The following GRM4 variants were observed in gnomAD, a reference collection of about 807,000 sequenced individuals.
The protein encoded by GRM4 is metabotropic glutamate receptor 4.
In GRM4, 28 loss-of-function variants were observed where a neutral mutation model predicts 81.7. The observed-to-expected ratio is 0.34, with a 90% CI of 0.25 to 0.47. GRM4 has a LOEUF of 0.47. Ranked by LOEUF, GRM4 falls within the 20% of genes least tolerant of loss-of-function variation. The pLI is 1.00. For missense variants in GRM4, 948 were observed against 1,290.0 expected, an observed-to-expected ratio of 0.73 and a Z score of 4.06; for synonymous variants, 488 against 528.8, an observed-to-expected ratio of 0.92 and a Z score of 1.06.
At chr6:34,132,443 C>G (rs1286725192) in intron 2 of GRM4, among the ~76,000 whole-genome samples, 1 of 152,192 alleles carries the variant, frequency 6.6e-6, no homozygotes, top group Non-Finnish European at 1.5e-5. Context: ...CCTCAACTAC[C>G]CAGAAGAAAA....
At chr6:34,126,909 T>C (rs1652720858) in intron 2 of GRM4, among the ~76,000 whole-genome samples, 1 of 152,250 alleles carries the variant, frequency 6.6e-6, no homozygotes, top group African/African-American at 2.4e-5. Flanking sequence ...TGCTTGTAGC[T>C]TGACAGCAGC....
intron 9 of GRM4, among the ~76,000 whole-genome samples, chr6:34,028,935 C>T (rs910846957): frequency 1.3e-5 from 2 of 152,200 alleles, no homozygotes; most frequent in African/African-American, 4.8e-5. Flanking sequence ...CGGCACCCAT[C>T]GCGATATGGT....
chr6:34,116,748 C>T (rs1769614929), intron 2 of GRM4, among the ~76,000 whole-genome samples: 1 of 152,166 alleles, frequency 6.6e-6, no homozygotes, highest in African/African-American at 2.4e-5. Flanking sequence ...TAGCCAAACA[C>T]TGGATTCAGC....
intron 3 of GRM4, among the ~76,000 whole-genome samples, chr6:34,065,869 C>T (rs1340537117): frequency 6.6e-6 from 1 of 152,236 alleles, no homozygotes; most frequent in East Asian, 1.9e-4. Flanking sequence ...GCAGAGCCAC[C>T]TTCAGACGAG....
chr6:34,054,590 G>A (rs1282240168), intron 6 of GRM4: 1 of 152,224 alleles, frequency 6.6e-6, no homozygotes, highest in Non-Finnish European at 1.5e-5. Context: ...TAGGAGTCTG[G>A]ACAGAGCCTA....
At chr6:34,075,104 G>T (rs999731245) in intron 3 of GRM4, among the ~76,000 whole-genome samples, 3 of 152,222 alleles carry the variant, frequency 2.0e-5, no homozygotes, top group African/African-American at 7.2e-5. Context: ...TCTGACCCGC[G>T]GGCAGTGCAG....
At chr6:34,123,503 G>A (rs61031389) in intron 2 of GRM4, among the ~76,000 whole-genome samples, 3,132 of 152,234 alleles carry the variant, frequency 0.021, 83 homozygotes, top group African/African-American at 0.063. Flanking sequence ...AAAGGTGCAC[G>A]TGATTCTGCC....
intron 1 of GRM4, among the ~76,000 whole-genome samples, chr6:34,137,380 G>C (rs1468577175): frequency 6.6e-6 from 1 of 152,232 alleles, no homozygotes; most frequent in Non-Finnish European, 1.5e-5. Flanking sequence ...CAGGCCAACA[G>C]TGTTTTCCAG....
Position 34,042,465 on chromosome 6 carries a change from G to C in GRM4, c.1169-1717C>G, listed in dbSNP as rs369859644. Among the ~76,000 whole-genome samples the C allele has an allele frequency of 3.9e-5, 6 of 152,142 alleles. No homozygotes were observed. Among genetic ancestry groups the C allele is most frequent in the South Asian group, 2.1e-4 (1 of 4,824 alleles). On this transcript the variant is annotated intron_variant, in intron 6 of 10. Coordinates refer to ENST00000538487, the MANE Select transcript of GRM4 (RefSeq NM_000841.4). This position sits in a 1 kb window ranked among gnomAD's most constrained non-coding sequence, Gnocchi z 4.2. The stretch of plus-strand genomic sequence containing the variant: ...CAGGAGGATGGCTGGGAGGAGGAAG[G>C]GGGAGGATGGGCAGAGATAGGGAAG...
At chr6:34,044,508 A>T (rs1029884281) in intron 6 of GRM4, among the ~76,000 whole-genome samples, 1 of 148,712 alleles carries the variant, frequency 6.7e-6, no homozygotes, top group Admixed American at 6.6e-5. Context: ...ACACACATAC[A>T]CACACAGACA....
rs73744817 is a variant in GRM4 at position 34,103,720 on chromosome 6, G to A, written c.520-11621C>T. ...AGCCATGCCCCCTTTTCCAAGGAGG[G>A]CTCAAAGTCCAACTCCCATAGGTGA... On this transcript the variant is annotated intron_variant, in intron 2 of 10. Coordinates refer to ENST00000538487, the MANE Select transcript of GRM4 (RefSeq NM_000841.4). 1.4e-3 allele frequency: 2,116 copies of A among 1,518,848 alleles called. 12 individuals carry two copies. The African/African-American group carries it at 0.018, about 13-fold the overall frequency. 94.1% of individuals were successfully genotyped at this position (1,518,848 alleles called of 1,614,324 possible). A position where few individuals can be genotyped will look rare whatever the true frequency, so the allele number is the denominator to read the frequency against.
intron 9 of GRM4, among the ~76,000 whole-genome samples, chr6:34,032,632 C>T (rs892527134): frequency 6.6e-6 from 1 of 152,228 alleles, no homozygotes; most frequent in Non-Finnish European, 1.5e-5. Flanking sequence ...TGGGACAAGT[C>T]CCTGTCCCTC....
At chr6:34,071,351 CCA>C (rs756108710) in intron 3 of GRM4, among the ~76,000 whole-genome samples, 11,500 of 117,984 alleles carry the variant, frequency 0.097, 1,086 homozygotes, top group African/African-American at 0.24. Context: ...AAACACCGCA[CCA>C]CACACACACA....
At chr6:34,124,637 G>A (rs994003867) in intron 2 of GRM4, among the ~76,000 whole-genome samples, 1 of 152,210 alleles carries the variant, frequency 6.6e-6, no homozygotes, top group African/African-American at 2.4e-5. Context: ...TCCTGAGGTG[G>A]GCCGGGGTAT....
chr6:34,040,558 G>C lies in GRM4; in HGVS notation c.1359C>G (p.Val453=). 6.2e-7 allele frequency: 1 copy of C among 1,613,002 alleles called. No homozygotes were observed. Among genetic ancestry groups the C allele is most frequent in the Non-Finnish European group, 8.5e-7 (1 of 1,179,434 alleles). The part of the protein sequence containing the change: ...GTQLLKYIRN[V]NFSGIAGNPV... Reference sequence around the variant, plus strand: ...GCACCACACCCCCACCTGAGAAGTTGACGTTTCGGATGTACTTAAGCAGCT... The same window carrying C: ...GCACCACACCCCCACCTGAGAAGTTCACGTTTCGGATGTACTTAAGCAGCT... The change falls in exon 7 of 11, where the codon GTC becomes GTG. Residue 453 remains valine, a synonymous_variant. Coordinates refer to ENST00000538487, the MANE Select transcript of GRM4 (RefSeq NM_000841.4).
In GRM4 at chr6:34,022,869, C is replaced by A; in HGVS notation, c.2691G>T (p.Ala897=). Residue 897 remains alanine, a splice_region_variant and synonymous_variant, in exon 11 of 11, where the codon GCG becomes GCT. Transcript: ENST00000538487. The surrounding 1 kb of genome is among the most constrained non-coding windows in gnomAD (Gnocchi z 5.6). Reference sequence around the variant, plus strand: ...TGACGTAAGTCTGTTTGGTGGCCAGCGCTGGAAGGAGAGAGACCAGGGGTA... The same window carrying A: ...TGACGTAAGTCTGTTTGGTGGCCAGAGCTGGAAGGAGAGAGACCAGGGGTA... ...SELCENLEAP[A]LATKQTYVTY... The A allele has an allele frequency of 6.2e-7, 1 of 1,613,542 alleles. No individual in the cohort carries two copies. Among genetic ancestry groups the A allele is most frequent in the Non-Finnish European group, 8.5e-7 (1 of 1,179,448 alleles).
In GRM4 at chr6:34,058,897, G is replaced by A. The variant is rs1428034437; in HGVS notation, c.1027+77C>T. 3.6e-6 allele frequency: 4 copies of A among 1,126,560 alleles called. No homozygotes were observed. The African/African-American group carries it at 4.5e-5, about 13-fold the overall frequency. The allele number at this position is 1,126,560 out of a possible 1,614,324, so 69.8% of individuals were successfully genotyped here. On this transcript the variant is annotated intron_variant, in intron 5 of 10. Coordinates refer to ENST00000538487, the MANE Select transcript of GRM4 (RefSeq NM_000841.4). ...GGATATGGAAAGAGGCGGAGCAGAA[G>A]GGGAAGGAAGCCGAGGAGGGATGGC... is the stretch of plus-strand genomic sequence containing the variant.
In GRM4 at chr6:34,074,873, A is replaced by C. The variant is rs1356169992; in HGVS notation, c.737-12845T>G. 6.6e-6 allele frequency among the ~76,000 whole-genome samples: 1 copy of C among 152,118 alleles called. No homozygotes were observed. The highest frequency in any genetic ancestry group is 1.5e-5 in the Non-Finnish European group (1 of 68,004). On this transcript the variant is annotated intron_variant, in intron 3 of 10. Coordinates refer to ENST00000538487, the MANE Select transcript of GRM4 (RefSeq NM_000841.4). This position sits in a 1 kb window ranked among gnomAD's most constrained non-coding sequence, Gnocchi z 4.9. ...TCCTGGCCCCCACCAAAAGCCCCCC[A>C]GAGGTCCCTACCCCAGGTCAACCCA...
At chr6:34,031,879 T>C (rs1764445471) in intron 9 of GRM4, among the ~76,000 whole-genome samples, 1 of 152,060 alleles carries the variant, frequency 6.6e-6, no homozygotes, top group African/African-American at 2.4e-5. Context: ...CACACATCAA[T>C]ATACACGTAC....
Sources: gnomAD v4.1 joint callset for allele counts (sites outside exome capture counted in the v4.1 genomes callset) on GRCh38, gnomAD v4.1.1 for gene constraint, Gnocchi (gnomAD v3.1) non-coding constraint, MANE v1.5 for transcripts, NCBI Gene and HGNC (gene_info 2026-07-23, HGNC 2026-07-21) for gene names.